Variants in CELF2 observed in about 807,000 individuals in gnomAD.
The protein encoded by CELF2 is CUG triplet repeat RNA-binding protein 2.
A neutral mutation model predicts 62.6 loss-of-function variants in CELF2; 8 were observed. The observed-to-expected ratio is 0.13, with a 90% confidence interval of 0.07 to 0.23. The LOEUF is 0.23. Among genes scored for constraint, CELF2 ranks in the 10% least tolerant of loss-of-function variants. CELF2 has a pLI of 1.00. For missense variants in CELF2, 333 were observed against 671.0 expected (o/e 0.50, Z 5.56); for synonymous variants, 258 against 250.0 (o/e 1.03, Z -0.30).
chr10:10,740,750 G>A, the CELF2 span, among the ~76,000 whole-genome samples: 1 of 152,172 alleles, frequency 6.6e-6, no homozygotes, highest in Non-Finnish European at 1.5e-5. Context: ...GTATTAATCA[G>A]CCTTTAAAAA....
At chr10:11,179,131 CT>C (rs1455407392) in intron 2 of CELF2, among the ~76,000 whole-genome samples, 1 of 152,184 alleles carries the variant, frequency 6.6e-6, no homozygotes, top group Non-Finnish European at 1.5e-5. Flanking sequence ...ATTTTTAATG[CT>C]TTCGCTTCTT....
rs112559487 is a variant in CELF2 at position 11,233,252 on chromosome 10, C to T, written c.354+15745C>T. Among the ~76,000 whole-genome samples, 29 of 152,274 alleles carry T rather than the reference C, an allele frequency of 1.9e-4. 1 individual carries two copies. The highest frequency in any genetic ancestry group is 1.5e-3 in the East Asian group (8 of 5,186). ...GGGAAAAAGAGAAAAAGACACCTTA[C>T]GCCATGGGCTTTCACACACGCAGGA... is the stretch of plus-strand genomic sequence containing the variant. On this transcript the variant is annotated intron_variant, in intron 3 of 12. Coordinates refer to ENST00000633077, the MANE Select transcript of CELF2 (RefSeq NM_001326342.2).
chr10:10,616,887 G>A, the CELF2 span, among the ~76,000 whole-genome samples: 1 of 151,626 alleles, frequency 6.6e-6, no homozygotes, highest in African/African-American at 2.4e-5. Context: ...TACGCATGTA[G>A]CTGGGACCAC....
chr10:10,865,483 G>A (rs757204400), intron 1 of CELF2, among the ~76,000 whole-genome samples: 22 of 152,206 alleles, frequency 1.4e-4, no homozygotes, highest in Non-Finnish European at 2.4e-4. Flanking sequence ...TTAAGTCTAT[G>A]TTGTAATTCT....
intron 1 of CELF2, among the ~76,000 whole-genome samples, chr10:11,082,564 C>G (rs116658240): frequency 3.3e-5 from 5 of 152,318 alleles, no homozygotes; most frequent in African/African-American, 1.2e-4. Flanking sequence ...AATCACTCCT[C>G]TTCTGTGGCT....
chr10:11,112,964 C>T (rs936205012), intron 1 of CELF2, among the ~76,000 whole-genome samples: 6 of 151,962 alleles, frequency 3.9e-5, no homozygotes, highest in African/African-American at 9.7e-5. Flanking sequence ...TTTCCACATG[C>T]GTAGCCTATA....
intron 2 of CELF2, among the ~76,000 whole-genome samples, chr10:10,953,981 G>T (rs942143806): frequency 4.6e-5 from 7 of 151,750 alleles, no homozygotes; most frequent in African/African-American, 1.7e-4. Context: ...TACAGGAAAA[G>T]GTATTGAAAT....
chr10:11,225,775 C>A (rs1013535209), intron 3 of CELF2, among the ~76,000 whole-genome samples: 1 of 152,106 alleles, frequency 6.6e-6, no homozygotes, highest in Non-Finnish European at 1.5e-5. Flanking sequence ...ATTTTTTTAT[C>A]TATTTGATTC....
intron 2 of CELF2, among the ~76,000 whole-genome samples, chr10:10,926,278 G>T (rs549218772): frequency 6.6e-6 from 1 of 152,174 alleles, no homozygotes; most frequent in African/African-American, 2.4e-5. Context: ...TGTCATGAGC[G>T]GATCAATGCC....
At chr10:10,648,097 A>G in the CELF2 span, among the ~76,000 whole-genome samples, 2 of 152,164 alleles carry the variant, frequency 1.3e-5, no homozygotes, top group Non-Finnish European at 1.5e-5. Flanking sequence ...ATATGAAAGT[A>G]TACGATTTTA....
chr10:10,599,697 T>C, the CELF2 span, among the ~76,000 whole-genome samples: 2 of 151,982 alleles, frequency 1.3e-5, no homozygotes, highest in Non-Finnish European at 2.9e-5. Flanking sequence ...TTGTCTTTAT[T>C]GTTTCGTCTC....
chr10:10,624,051 G>A, the CELF2 span, among the ~76,000 whole-genome samples: 9,411 of 152,172 alleles, frequency 0.062, 382 homozygotes, highest in African/African-American at 0.12. Context: ...TTGTCTCTGC[G>A]TTTCCAATTT....
chr10:11,303,858 T>C (rs2093982261), intron 9 of CELF2, among the ~76,000 whole-genome samples: 2 of 152,342 alleles, frequency 1.3e-5, no homozygotes, highest in South Asian at 4.1e-4. Flanking sequence ...GCTCTGCCAC[T>C]GAGAGTTGTG....
intron 2 of CELF2, among the ~76,000 whole-genome samples, chr10:10,967,465 C>T (rs146565632): frequency 1.3e-5 from 2 of 151,966 alleles, no homozygotes; most frequent in Admixed American, 6.5e-5. Flanking sequence ...AAGTAGGCAT[C>T]GAGAGGGAAA....
At chr10:10,490,810 T>C in the CELF2 span, among the ~76,000 whole-genome samples, 2 of 152,056 alleles carry the variant, frequency 1.3e-5, no homozygotes, top group Non-Finnish European at 2.9e-5. Flanking sequence ...ATAAAAAAGG[T>C]TGACCCAAAT....
At chr10:11,258,716 T>G (rs905646118) in intron 5 of CELF2, among the ~76,000 whole-genome samples, 3 of 152,172 alleles carry the variant, frequency 2.0e-5, no homozygotes, top group Non-Finnish European at 2.9e-5. Flanking sequence ...TTCACTTCTT[T>G]TTGCTCTGTC....
At chr10:10,954,932 A>T (rs150632358) in intron 2 of CELF2, among the ~76,000 whole-genome samples, 103 of 152,386 alleles carry the variant, frequency 6.8e-4, no homozygotes, top group Middle Eastern at 3.4e-3. Context: ...TTATCGTTTT[A>T]AAAAGATAAA....
intron 1 of CELF2, among the ~76,000 whole-genome samples, chr10:11,133,535 G>C (rs886535104): frequency 6.6e-6 from 1 of 152,148 alleles, no homozygotes; most frequent in Non-Finnish European, 1.5e-5. Flanking sequence ...ACGTATACAA[G>C]ATAGGGAATG....
At chr10:11,057,368 A>AT (rs1405946674) in intron 1 of CELF2, among the ~76,000 whole-genome samples, 1 of 152,202 alleles carries the variant, frequency 6.6e-6, no homozygotes, top group Non-Finnish European at 1.5e-5. Context: ...GGAAACAGTG[A>AT]TTTTAAGAAT....
Sources: allele counts gnomAD v4.1 joint callset (sites outside exome capture counted in the v4.1 genomes callset), GRCh38; gene constraint gnomAD v4.1.1; transcripts MANE v1.5; gene names NCBI Gene and HGNC (gene_info 2026-07-23, HGNC 2026-07-21).